Variants in PRKAG1 observed in about 807,000 individuals in gnomAD.
PRKAG1 encodes the protein 5'-AMP-activated protein kinase subunit gamma-1.
A neutral mutation model predicts 48.2 loss-of-function variants in PRKAG1; 27 were observed. The observed-to-expected ratio is 0.56, with a 90% confidence interval of 0.41 to 0.77. The LOEUF is 0.77. Among genes scored for constraint, PRKAG1 ranks in the 30% least tolerant of loss-of-function variants. The pLI, the probability that PRKAG1 is intolerant of heterozygous loss-of-function variation, is 0.00. For missense variants in PRKAG1, 287 were observed against 398.3 expected, an observed-to-expected ratio of 0.72 and a Z score of 2.38; for synonymous variants, 130 against 147.7, an observed-to-expected ratio of 0.88 and a Z score of 0.87.
In PRKAG1 at chr12:49,018,749, G is replaced by T. The variant is rs200403763; in HGVS notation, c.-9C>A. The stretch of plus-strand genomic sequence containing the variant: ...CTCCTCACCGTCTCCATTGCAAGAG[G>T]CGCCCGGCTTGGTTTCCTCGCTTTA... On this transcript the variant is annotated 5_prime_UTR_variant, in exon 1 of 12. Coordinates refer to ENST00000548065, the MANE Select transcript of PRKAG1 (RefSeq NM_002733.5). 8 of 1,612,896 alleles carry T rather than the reference G, an allele frequency of 5.0e-6. No homozygotes were observed. The African/African-American group carries it at 6.7e-5, about 13-fold the overall frequency.
At chr12:49,015,142 T>C (rs977822061) in intron 1 of PRKAG1, among the ~76,000 whole-genome samples, 73 of 152,206 alleles carry the variant, frequency 4.8e-4, no homozygotes, top group Non-Finnish European at 2.9e-5. Context: ...GCCTGCCATT[T>C]TGGCAAGACT....
chr12:49,011,745 A>G (rs1159254939), intron 2 of PRKAG1, among the ~76,000 whole-genome samples: 4 of 151,794 alleles, frequency 2.6e-5, no homozygotes, highest in Non-Finnish European at 4.4e-5. Context: ...TCTACTTAGT[A>G]GAGATGGGGT....
rs1229675386 is a variant in PRKAG1, at chr12:49,003,770, C to T, written c.690G>A (p.Val230=). The T allele has an allele frequency of 1.2e-6, 2 of 1,612,728 alleles. No homozygotes were observed. Among genetic ancestry groups the T allele is most frequent in the Non-Finnish European group, 1.7e-6 (2 of 1,179,262 alleles). The stretch of plus-strand genomic sequence containing the variant: ...CCAATCTCTCACCCTTCTCATCCAC[C>T]ACTGGCAGGGCTGAGACTCGATGCT... ...FVQHRVSALP[V]VDEKGRVVDI... Residue 230 remains valine, a synonymous_variant, in exon 9 of 12, where the codon GTG becomes GTA. Coordinates refer to ENST00000548065, the MANE Select transcript of PRKAG1 (RefSeq NM_002733.5).
chr12:49,012,287 T>C (rs997421766), intron 2 of PRKAG1, among the ~76,000 whole-genome samples: 5 of 152,256 alleles, frequency 3.3e-5, no homozygotes, highest in African/African-American at 1.2e-4. Context: ...TGGCCAGCAT[T>C]GGAACTGTCT....
rs1318011964 is a variant in PRKAG1 at position 49,004,534 on chromosome 12, CTTG to C, written c.507_509del (p.His169_Lys170delinsGln). 1 of 1,614,130 alleles carries C rather than the reference CTTG, an allele frequency of 6.2e-7. No homozygotes were observed. The highest frequency in any genetic ancestry group is 1.3e-5 in the African/African-American group (1 of 75,028). ...ACAATTTGAGGAACTTCAGAATGCG[CTTG>C]TGGGTGAGGATGTACAAAGTATTGC... On this transcript the variant is annotated inframe_deletion, in exon 8 of 12. Transcript: ENST00000548065.
At chr12:49,014,412 G>A (rs144224356) in intron 1 of PRKAG1, among the ~76,000 whole-genome samples, 37 of 152,300 alleles carry the variant, frequency 2.4e-4, no homozygotes, top group African/African-American at 8.9e-4. Context: ...TGAGCTTAGG[G>A]CTAACCCCTA....
chr12:49,004,409 G>A (rs1941430521), intron 8 of PRKAG1, 98 bp downstream of exon 8: 1 of 1,486,346 alleles, frequency 6.7e-7, no homozygotes, highest in East Asian at 2.3e-5. Context: ...TTTGACACTA[G>A]CCTGAGCAAC....
intron 10 of PRKAG1, 78 bp from the exon 11 acceptor site, chr12:49,003,368 G>A: frequency 6.3e-7 from 1 of 1,585,404 alleles, no homozygotes; most frequent in Non-Finnish European, 8.6e-7. Flanking sequence ...AACCTCAACA[G>A]AGGGATTCAG....
intron 2 of PRKAG1, among the ~76,000 whole-genome samples, chr12:49,009,960 G>C (rs1485463696): frequency 6.6e-6 from 1 of 152,174 alleles, no homozygotes; most frequent in Non-Finnish European, 1.5e-5. Context: ...TGAGAAATAT[G>C]TTCCTTTATC....
intron 1 of PRKAG1, among the ~76,000 whole-genome samples, chr12:49,015,355 G>A (rs1373802782): frequency 6.6e-6 from 1 of 152,158 alleles, no homozygotes; most frequent in Non-Finnish European, 1.5e-5. Flanking sequence ...TAAATTCCTG[G>A]AAACCTAGAA....
chr12:49,013,952 T>C (rs1310850827), intron 1 of PRKAG1, among the ~76,000 whole-genome samples: 3 of 152,178 alleles, frequency 2.0e-5, no homozygotes, highest in Non-Finnish European at 4.4e-5. Context: ...TGGCGTGATC[T>C]TGGCTCACTG....
At chr12:49,003,383 A>G (rs889408165) in intron 10 of PRKAG1, 93 bp from the exon 11 acceptor site, 179 of 1,562,980 alleles carry the variant, frequency 1.1e-4, no homozygotes, top group Non-Finnish European at 1.5e-4. Context: ...ATTCAGGGCA[A>G]TTGTCAGCCA....
In PRKAG1 at chr12:49,005,974, C is replaced by A. The variant is rs979231165; in HGVS notation, c.59-122G>T. On this transcript the variant is annotated intron_variant, in intron 2 of 11. Coordinates refer to ENST00000548065, the MANE Select transcript of PRKAG1 (RefSeq NM_002733.5). The surrounding 1 kb of genome is among the most constrained non-coding windows in gnomAD (Gnocchi z 4.1). ...TAGAGCATTATTTTTTAATAAGACCCCTTATTTTATCTGTCTTGTTCCTAT... is the reference window on the plus strand; with the variant it reads ...TAGAGCATTATTTTTTAATAAGACCACTTATTTTATCTGTCTTGTTCCTAT... The A allele has an allele frequency of 1.4e-6, 1 of 721,954 alleles. No homozygotes were observed. Among genetic ancestry groups the A allele is most frequent in the Non-Finnish European group, 2.3e-6 (1 of 443,220 alleles). The allele number at this position is 721,954 out of a possible 1,614,324, so 44.7% of individuals were successfully genotyped here.
intron 2 of PRKAG1, among the ~76,000 whole-genome samples, chr12:49,011,880 CAG>C (rs1377705686): frequency 1.3e-5 from 2 of 150,166 alleles, no homozygotes; most frequent in Non-Finnish European, 3.0e-5. Context: ...TTTTTTGAGA[CAG>C]AGTCTTGTGC....
rs1383152696 is a variant in PRKAG1 at position 49,004,511 on chromosome 12, A to G, written c.533T>C (p.Leu178Ser). Residue 178 changes from leucine to serine, a missense_variant, in exon 8 of 12, where the codon TTG (leucine) becomes TCG (serine). Transcript: ENST00000548065. ...THKRILKFLKLFITEFPKPEF... is the reference protein window; with the variant it reads ...THKRILKFLKSFITEFPKPEF... ...ACTGGGCTGAGGAGCACTTACAAACAATTTGAGGAACTTCAGAATGCGCTT... is the reference window on the plus strand; with the variant it reads ...ACTGGGCTGAGGAGCACTTACAAACGATTTGAGGAACTTCAGAATGCGCTT... 1 of 1,614,098 alleles carries G rather than the reference A, an allele frequency of 6.2e-7. No individual in the cohort carries two copies. The highest frequency in any genetic ancestry group is 1.1e-5 in the South Asian group (1 of 91,082).
intron 1 of PRKAG1, chr12:49,017,068 T>C (rs1397161733): frequency 2.2e-6 from 1 of 446,050 alleles, no homozygotes; most frequent in African/African-American, 2.0e-5. Flanking sequence ...TTCTCTCAGC[T>C]ATTCTGTCAC....
Position 49,005,676 on chromosome 12 carries a change from T to C in PRKAG1, c.168+67A>G. The stretch of plus-strand genomic sequence containing the variant: ...AAGGATAAGGATATTACCCTTAGGA[T>C]GAGATAGGATGAGAGGTATTAAACC... On this transcript the variant is annotated intron_variant, in intron 3 of 11. Coordinates refer to ENST00000548065, the MANE Select transcript of PRKAG1 (RefSeq NM_002733.5). This position sits in a 1 kb window ranked among gnomAD's most constrained non-coding sequence, Gnocchi z 4.1. 1 of 1,604,158 alleles carries C rather than the reference T, an allele frequency of 6.2e-7. No homozygotes were observed.
Position 49,004,812 on chromosome 12 carries a change from ACTGT to A in PRKAG1, c.410+148_410+151del, listed in dbSNP as rs774944771. 12 of 962,132 alleles carry A rather than the reference ACTGT, an allele frequency of 1.2e-5. No homozygotes were observed. In the African/African-American group the frequency reaches 1.6e-4, roughly 13 times the overall value. 59.6% of individuals were successfully genotyped at this position (962,132 alleles called of 1,614,324 possible). The stretch of plus-strand genomic sequence containing the variant: ...GAGTGAGAATGAGAGAGAGAGAGAG[ACTGT>A]GTGTGTGTGTGTGTGTGTGTGTGTG... On this transcript the variant is annotated intron_variant, in intron 7 of 11. Transcript: ENST00000548065.
chr12:49,015,651 T>C (rs1186625490), intron 1 of PRKAG1, among the ~76,000 whole-genome samples: 2 of 151,910 alleles, frequency 1.3e-5, no homozygotes, highest in Admixed American at 1.3e-4. Context: ...TGGCTCACTG[T>C]AATCTCCGCC....
Sources: gnomAD v4.1 joint callset for allele counts (sites outside exome capture counted in the v4.1 genomes callset) on GRCh38, gnomAD v4.1.1 for gene constraint, Gnocchi (gnomAD v3.1) non-coding constraint, MANE v1.5 for transcripts, NCBI Gene and HGNC (gene_info 2026-07-23, HGNC 2026-07-21) for gene names.